PDSS2: variants seen among roughly 807,000 people sequenced by gnomAD.
The protein encoded by PDSS2 is all trans-polyprenyl-diphosphate synthase PDSS2.
Under a neutral mutation model 44.5 loss-of-function variants are expected in PDSS2, and 31 were observed. That is an observed-to-expected ratio of 0.70 (90% CI 0.52 to 0.94). The LOEUF (loss-of-function observed/expected upper bound fraction) is 0.94, where lower values mean the gene tolerates loss of function less well. Among genes scored for constraint, PDSS2 ranks in the 40% least tolerant of loss-of-function variants. The probability of loss-of-function intolerance (pLI) is 0.00; values close to 1 mark genes in which losing one functional copy is unlikely to be tolerated. For missense variants in PDSS2, 452 were observed against 482.2 expected, an observed-to-expected ratio of 0.94 and a Z score of 0.59; for synonymous variants, 157 against 180.3, an observed-to-expected ratio of 0.87 and a Z score of 1.03.
intron 1 of PDSS2, among the ~76,000 whole-genome samples, chr6:107,388,203 C>T (rs1779670064): frequency 6.6e-6 from 1 of 152,108 alleles, no homozygotes; most frequent in Admixed American, 6.6e-5. Flanking sequence ...AGTTTATTAT[C>T]CAGCCCAGGA....
At chr6:107,277,981 A>T (rs55756516) in intron 2 of PDSS2, among the ~76,000 whole-genome samples, 38,321 of 149,502 alleles carry the variant, frequency 0.26, 5,600 homozygotes, top group African/African-American at 0.4. Flanking sequence ...AATAAATAAA[A>T]TAAATAAATA....
intron 7 of PDSS2, among the ~76,000 whole-genome samples, chr6:107,184,121 A>T (rs1772083166): frequency 6.6e-6 from 1 of 152,174 alleles, no homozygotes; most frequent in African/African-American, 2.4e-5. Context: ...GAGCTAATGT[A>T]AAGTCCCAGG....
At chr6:107,433,400 G>T (rs965318640) in intron 1 of PDSS2, among the ~76,000 whole-genome samples, 7 of 152,074 alleles carry the variant, frequency 4.6e-5, no homozygotes, top group Admixed American at 1.3e-4. Context: ...AAACAGCATG[G>T]TACTGGCATA....
chr6:107,355,785 A>AAG (rs1191526435), intron 1 of PDSS2, among the ~76,000 whole-genome samples: 1 of 152,224 alleles, frequency 6.6e-6, no homozygotes, highest in African/African-American at 2.4e-5. Context: ...GAATTACTTG[A>AAG]AGAGCTTTAA....
At chr6:107,410,653 A>G (rs1780463273) in intron 1 of PDSS2, among the ~76,000 whole-genome samples, 1 of 151,352 alleles carries the variant, frequency 6.6e-6, no homozygotes, top group African/African-American at 2.4e-5. Context: ...ACGTCCATCT[A>G]ATGTTTGTAT....
chr6:107,254,258 A>C (rs902553641), intron 3 of PDSS2, among the ~76,000 whole-genome samples: 1 of 151,624 alleles, frequency 6.6e-6, no homozygotes, highest in Admixed American at 6.6e-5. Context: ...GGTCTTGAAC[A>C]CCTGACCTCG....
At chr6:107,344,628 C>A (rs1367153293) in intron 1 of PDSS2, among the ~76,000 whole-genome samples, 1 of 151,822 alleles carries the variant, frequency 6.6e-6, no homozygotes, top group East Asian at 1.9e-4. Context: ...AAGACAGGTG[C>A]CTGGAAGGAA....
At chr6:107,409,821 C>T (rs1209602333) in intron 1 of PDSS2, among the ~76,000 whole-genome samples, 1 of 152,128 alleles carries the variant, frequency 6.6e-6, no homozygotes, top group African/African-American at 2.4e-5. Flanking sequence ...ATTAAACATT[C>T]TCAATGAAGA....
chr6:107,394,167 T>C (rs1779869069), intron 1 of PDSS2, among the ~76,000 whole-genome samples: 1 of 152,218 alleles, frequency 6.6e-6, no homozygotes, highest in Non-Finnish European at 1.5e-5. Flanking sequence ...TATTCCATTT[T>C]ATCTTCTCTA....
chr6:107,267,247 G>A (rs1429477591), intron 3 of PDSS2, among the ~76,000 whole-genome samples: 1 of 152,156 alleles, frequency 6.6e-6, no homozygotes, highest in Non-Finnish European at 1.5e-5. Flanking sequence ...CCTCAGCTTT[G>A]TAGGTCTAAT....
chr6:107,396,217 AC>A (rs1305877304), intron 1 of PDSS2, among the ~76,000 whole-genome samples: 1 of 152,066 alleles, frequency 6.6e-6, no homozygotes, highest in East Asian at 1.9e-4. Flanking sequence ...ATTATCTAGA[AC>A]TTTTTTTTTC....
At chr6:107,294,422 T>A (rs529940889) in intron 2 of PDSS2, among the ~76,000 whole-genome samples, 6 of 151,842 alleles carry the variant, frequency 4.0e-5, no homozygotes, top group Admixed American at 6.6e-5. Context: ...TTAAAAAAAA[T>A]TTTTTTTAGA....
chr6:107,410,366 G>A (rs1780450863), intron 1 of PDSS2, among the ~76,000 whole-genome samples: 1 of 152,072 alleles, frequency 6.6e-6, no homozygotes, highest in Admixed American at 6.6e-5. Context: ...GCTTATCCTG[G>A]TATGAATCCA....
chr6:107,300,674 G>A (rs1192222141), intron 2 of PDSS2, among the ~76,000 whole-genome samples: 1 of 152,196 alleles, frequency 6.6e-6, no homozygotes, highest in African/African-American at 2.4e-5. Flanking sequence ...TGAGCCGGAT[G>A]GGTAACCCCC....
chr6:107,429,798 C>T (rs185282546), intron 1 of PDSS2, among the ~76,000 whole-genome samples: 56 of 146,632 alleles, frequency 3.8e-4, no homozygotes, highest in Admixed American at 6.2e-4. Flanking sequence ...GCAGGAGAAT[C>T]ACTTGAAATC....
intron 7 of PDSS2, among the ~76,000 whole-genome samples, chr6:107,154,982 G>T (rs185491128): frequency 6.4e-4 from 97 of 152,174 alleles, no homozygotes; most frequent in Non-Finnish European, 1.9e-4. Context: ...TGGTGTCTGT[G>T]CTCCAGAGCA....
At chr6:107,224,666 A>AT (rs1333140072) in intron 4 of PDSS2, among the ~76,000 whole-genome samples, 1 of 151,260 alleles carries the variant, frequency 6.6e-6, no homozygotes, top group Non-Finnish European at 1.5e-5. Flanking sequence ...TGGGTTTTCC[A>AT]TTTTTTTGCT....
chr6:107,259,313 G>C (rs1221815748), intron 3 of PDSS2, among the ~76,000 whole-genome samples: 3 of 152,092 alleles, frequency 2.0e-5, no homozygotes, highest in Non-Finnish European at 2.9e-5. Flanking sequence ...GGAATTCTGA[G>C]AGGTAAAATG....
At position 107,458,412 on chromosome 6, in the gene PDSS2, C is replaced by CAAAAA. The variant is rs60758453; in HGVS notation, c.296+573_296+577dup. Among the ~76,000 whole-genome samples the CAAAAA allele has an allele frequency of 5.1e-3, 396 of 78,050 alleles. 56 individuals are homozygous for CAAAAA. The highest frequency in any genetic ancestry group is 7.3e-3 in the Non-Finnish European group (296 of 40,358). The allele number at this position is 78,050 out of a possible 152,430, so 51.2% of individuals were successfully genotyped here. On this transcript the variant is annotated intron_variant, in intron 1 of 7. Transcript: ENST00000369037. ...TGGGCGACAAAGCGAGACTCCGTCT[C>CAAAAA]AAAAAAAAAAAAAAAAAAAACTTTT...
Sources: allele counts gnomAD v4.1 joint callset (sites outside exome capture counted in the v4.1 genomes callset), GRCh38; gene constraint gnomAD v4.1.1; transcripts MANE v1.5; gene names NCBI Gene and HGNC (gene_info 2026-07-23, HGNC 2026-07-21).